WHRN: variants seen among roughly 807,000 people sequenced by gnomAD.
WHRN encodes the protein whirlin.
Under a neutral mutation model 68.3 loss-of-function variants are expected in WHRN, and 41 were observed. That is an observed-to-expected ratio of 0.60 (90% CI 0.47 to 0.78). The LOEUF (loss-of-function observed/expected upper bound fraction) is 0.78, where lower values mean the gene tolerates loss of function less well. Among genes scored for constraint, WHRN ranks in the 30% least tolerant of loss-of-function variants. The pLI, the probability that WHRN is intolerant of heterozygous loss-of-function variation, is 0.00. For synonymous variants in WHRN, 560 were observed against 561.3 expected (o/e 1.00, Z 0.03); for missense variants, 1,243 against 1,244.7 (o/e 1.00, Z 0.02).
In WHRN at chr9:114,434,375, G is replaced by C. The variant is rs139066121; in HGVS notation, c.964-7962C>G. ...AATAATGGAAATGTTCTATAACTAG[G>C]CTGTCCAACAACTATTATTTACATT... On this transcript the variant is annotated intron_variant, in intron 3 of 11. Coordinates refer to ENST00000362057, the MANE Select transcript of WHRN (RefSeq NM_015404.4). Among the ~76,000 whole-genome samples, 3 of 152,202 alleles carry C rather than the reference G, an allele frequency of 2.0e-5. No individual in the cohort carries two copies. The East Asian group carries it at 5.8e-4, about 29-fold the overall frequency.
At chr9:114,463,346 A>G (rs1840399450) in intron 3 of WHRN, among the ~76,000 whole-genome samples, 1 of 152,060 alleles carries the variant, frequency 6.6e-6, no homozygotes. Flanking sequence ...CTCTGCCCCC[A>G]TTTTCCTTCT....
chr9:114,424,448 CAG>C lies in WHRN; in HGVS notation c.1300_1301del (p.Leu434GlufsTer14). ...VLLEEQARHL[L>X]NEQEHATMAY... The stretch of plus-strand genomic sequence containing the variant: ...CCATGGTGGCGTGTTCCTGCTCGTT[CAG>C]CAGGTGCCGAGCCTGCTCCTCCAGC... On this transcript the variant is annotated frameshift_variant, in exon 6 of 12. Transcript: ENST00000362057. LOFTEE classifies it high-confidence loss of function. The C allele has an allele frequency of 6.2e-7, 1 of 1,613,720 alleles. No individual in the cohort carries two copies. Among genetic ancestry groups the C allele is most frequent in the Non-Finnish European group, 8.5e-7 (1 of 1,179,976 alleles).
chr9:114,465,946 C>A (rs914701086), intron 3 of WHRN, among the ~76,000 whole-genome samples: 1 of 152,200 alleles, frequency 6.6e-6, no homozygotes, highest in African/African-American at 2.4e-5. Flanking sequence ...CAGGGCACCC[C>A]CAACCCAGCT....
At chr9:114,466,239 G>GT in intron 3 of WHRN, 28 bp downstream of exon 3, 1 of 1,613,410 alleles carries the variant, frequency 6.2e-7, no homozygotes, top group Non-Finnish European at 8.5e-7. Context: ...CATGCACAGA[G>GT]TTTTCCCTCC....
At chr9:114,471,854 C>T (rs930074733) in intron 2 of WHRN, among the ~76,000 whole-genome samples, 3 of 152,194 alleles carry the variant, frequency 2.0e-5, no homozygotes, top group Non-Finnish European at 2.9e-5. Context: ...AGAGAAGGGC[C>T]TCCTGCTCCC....
intron 3 of WHRN, among the ~76,000 whole-genome samples, chr9:114,464,165 G>A (rs1840470250): frequency 6.6e-6 from 1 of 152,144 alleles, no homozygotes; most frequent in South Asian, 2.1e-4. Flanking sequence ...CTACTTTCAC[G>A]GGAGTATCAT....
intron 3 of WHRN, among the ~76,000 whole-genome samples, chr9:114,437,409 A>G (rs978813829): frequency 6.6e-6 from 1 of 152,244 alleles, no homozygotes; most frequent in Admixed American, 6.5e-5. Context: ...TTTAAAATGT[A>G]TAAAACTTTT....
At chr9:114,501,420 A>C (rs1843910718) in intron 1 of WHRN, among the ~76,000 whole-genome samples, 1 of 152,212 alleles carries the variant, frequency 6.6e-6, no homozygotes, top group South Asian at 2.1e-4. Flanking sequence ...GTAACAATGG[A>C]TGCTTGATTT....
At chr9:114,423,165 A>T in intron 7 of WHRN, 149 bp downstream of exon 7, 1 of 831,434 alleles carries the variant, frequency 1.2e-6, no homozygotes, top group Non-Finnish European at 2.0e-6. Flanking sequence ...TTAGGTTTTT[A>T]CAGAGGAAGA....
chr9:114,436,902 A>C (rs370545229), intron 3 of WHRN, among the ~76,000 whole-genome samples: 4 of 151,998 alleles, frequency 2.6e-5, no homozygotes, highest in African/African-American at 7.2e-5. Flanking sequence ...ATATAATGAA[A>C]AATAAAAAAC....
In WHRN at chr9:114,478,548, C is replaced by A; in HGVS notation, c.837+5G>T. 6.2e-7 allele frequency: 1 copy of A among 1,614,162 alleles called. No homozygotes were observed. The highest frequency in any genetic ancestry group is 1.1e-5 in the South Asian group (1 of 91,082). The stretch of plus-strand genomic sequence containing the variant: ...AGGCTGGCCTCCTTTCCCCACCCCA[C>A]TCACCTTTTTCTCATCCCCTCCTTG... On this transcript the variant is annotated splice_donor_5th_base_variant and intron_variant, in intron 2 of 11. Coordinates refer to ENST00000362057, the MANE Select transcript of WHRN (RefSeq NM_015404.4).
chr9:114,453,768 C>T (rs920153431), intron 3 of WHRN, among the ~76,000 whole-genome samples: 2 of 151,990 alleles, frequency 1.3e-5, no homozygotes, highest in African/African-American at 4.8e-5. Context: ...TCATCTCCCC[C>T]AAAAAAACTC....
chr9:114,431,682 T>G (rs565989749), intron 3 of WHRN, among the ~76,000 whole-genome samples: 3 of 152,272 alleles, frequency 2.0e-5, no homozygotes, highest in African/African-American at 4.8e-5. Flanking sequence ...CTAAGAGCTC[T>G]GTTTGTTTGT....
At chr9:114,462,495 G>A (rs1267268113) in intron 3 of WHRN, among the ~76,000 whole-genome samples, 1 of 152,146 alleles carries the variant, frequency 6.6e-6, no homozygotes. Flanking sequence ...GAGGCCCCAG[G>A]GCTCCAGTCC....
intron 1 of WHRN, among the ~76,000 whole-genome samples, chr9:114,482,130 C>T (rs889145123): frequency 6.6e-6 from 1 of 151,894 alleles, no homozygotes; most frequent in Admixed American, 6.6e-5. Context: ...CTTCACGACA[C>T]ATGCCTGGTG....
chr9:114,456,899 G>GT (rs1324618035), intron 3 of WHRN, among the ~76,000 whole-genome samples: 1 of 151,928 alleles, frequency 6.6e-6, no homozygotes, highest in Non-Finnish European at 1.5e-5. Context: ...GAGAAAGTAT[G>GT]TAACTATGTT....
intron 3 of WHRN, 42 bp downstream of exon 3, chr9:114,466,225 G>T: frequency 6.2e-7 from 1 of 1,612,544 alleles, no homozygotes; most frequent in Non-Finnish European, 8.5e-7. Context: ...GCAGCAAAGA[G>T]CTCCATGCAC....
At chr9:114,431,582 CTGTT>C (rs577811552) in intron 3 of WHRN, among the ~76,000 whole-genome samples, 18 of 152,310 alleles carry the variant, frequency 1.2e-4, no homozygotes, top group Non-Finnish European at 2.5e-4. Context: ...GTTCTCACTT[CTGTT>C]TGTTTCCCCT....
chr9:114,443,165 T>G (rs1442452796), intron 3 of WHRN, among the ~76,000 whole-genome samples: 2 of 152,232 alleles, frequency 1.3e-5, no homozygotes, highest in Non-Finnish European at 2.9e-5. Flanking sequence ...AAGAGCCAAG[T>G]GCCTCCCAAG....
Sources: gnomAD v4.1 joint callset for allele counts (sites outside exome capture counted in the v4.1 genomes callset) on GRCh38, gnomAD v4.1.1 for gene constraint, MANE v1.5 for transcripts, NCBI Gene and HGNC (gene_info 2026-07-23, HGNC 2026-07-21) for gene names.